AK5: variants seen among roughly 807,000 people sequenced by gnomAD.
AK5 encodes the protein adenylate kinase isoenzyme 5.
AK5 carries 27 observed loss-of-function variants against 69.5 expected under a neutral mutation model. That is an observed-to-expected ratio of 0.39 (90% CI 0.29 to 0.54). The LOEUF is 0.54. Among genes scored for constraint, AK5 ranks in the 20% least tolerant of loss-of-function variants. The pLI, the probability that AK5 is intolerant of heterozygous loss-of-function variation, is 0.71. For missense variants in AK5, 531 were observed against 700.4 expected (o/e 0.76, Z 2.73); for synonymous variants, 260 against 244.4 (o/e 1.06, Z -0.60).
At chr1:77,411,460 T>A (rs1650039662) in intron 7 of AK5, among the ~76,000 whole-genome samples, 1 of 152,152 alleles carries the variant, frequency 6.6e-6, no homozygotes, top group South Asian at 2.1e-4. Flanking sequence ...TCCCCTCCAA[T>A]CTGGTAGCCA....
At chr1:77,510,264 G>A (rs906275054) in intron 10 of AK5, among the ~76,000 whole-genome samples, 9 of 152,206 alleles carry the variant, frequency 5.9e-5, no homozygotes, top group Non-Finnish European at 1.0e-4. Context: ...GGCAAAGAAA[G>A]GAAGAGAACG....
At chr1:77,558,407 T>G (rs1660235590) in intron 13 of AK5, among the ~76,000 whole-genome samples, 195 bp from the exon 14 acceptor site, 1 of 150,914 alleles carries the variant, frequency 6.6e-6, no homozygotes, top group Admixed American at 6.6e-5. Flanking sequence ...AGATGTGTAG[T>G]GGTACTTCAT....
intron 8 of AK5, among the ~76,000 whole-genome samples, chr1:77,446,389 A>G (rs2100648959): frequency 6.6e-6 from 1 of 152,320 alleles, no homozygotes. Context: ...TTTTCCTCTC[A>G]GAATTGCTTT....
rs1173494472 is a variant in AK5 at position 77,367,557 on chromosome 1, TTATA to T, written c.891+27008_891+27011del. 2.4e-4 allele frequency among the ~76,000 whole-genome samples: 14 copies of T among 59,378 alleles called. 1 individual carries two copies. The highest frequency in any genetic ancestry group is 1.2e-3 in the African/African-American group (14 of 11,300). The allele number at this position is 59,378 out of a possible 152,430, so 39.0% of individuals were successfully genotyped here. A position where few individuals can be genotyped will look rare whatever the true frequency, so the allele number is the denominator to read the frequency against. On this transcript the variant is annotated intron_variant, in intron 6 of 13. Coordinates refer to ENST00000354567, the MANE Select transcript of AK5 (RefSeq NM_174858.3). Reference sequence around the variant, plus strand: ...TTGCCCAGACTCATTTATGTTATTTTTATATATATATATATATATATAATATATA... The same window carrying T: ...TTGCCCAGACTCATTTATGTTATTTTTATATATATATATATATAATATATA...
At position 77,290,757 on chromosome 1, in the gene AK5, T is replaced by C. The variant is rs1331892488; in HGVS notation, c.248-3036T>C. On this transcript the variant is annotated intron_variant, in intron 2 of 13. Coordinates refer to ENST00000354567, the MANE Select transcript of AK5 (RefSeq NM_174858.3). ...CCATGAAGTCAGCCAGTAAGTCAGT[T>C]GGGCAATAAATTAACCATTTATTGA... Among the ~76,000 whole-genome samples the C allele has an allele frequency of 2.0e-5, 3 of 152,176 alleles. No individual in the cohort carries two copies. The East Asian group carries it at 5.8e-4, about 29-fold the overall frequency.
intron 8 of AK5, among the ~76,000 whole-genome samples, chr1:77,453,441 T>C (rs182633193): frequency 5.9e-5 from 9 of 152,378 alleles, no homozygotes; most frequent in Admixed American, 2.6e-4. Context: ...ATGCTGATAA[T>C]GTAACTTGGC....
intron 5 of AK5, among the ~76,000 whole-genome samples, chr1:77,331,160 G>A (rs915862870): frequency 1.3e-5 from 2 of 151,888 alleles, no homozygotes; most frequent in Admixed American, 1.3e-4. Context: ...CATATCATAT[G>A]CAAATAATGG....
rs1279880333 is a variant in AK5, at chr1:77,559,315, G to A, written c.*645G>A. The A allele has an allele frequency of 1.3e-5, 2 of 152,076 alleles. No individual in the cohort carries two copies. Among genetic ancestry groups the A allele is most frequent in the Non-Finnish European group, 2.9e-5 (2 of 68,030 alleles). The allele number at this position is 152,076 out of a possible 1,614,324, so 9.4% of individuals were successfully genotyped here. A position where few individuals can be genotyped will look rare whatever the true frequency, so the allele number is the denominator to read the frequency against. On this transcript the variant is annotated 3_prime_UTR_variant, in exon 14 of 14. Transcript: ENST00000354567. ...ATGGTAAAACCCAGGTTAGTCATCA[G>A]TAACCTTCTCTATTATTATTATTTT...
At chr1:77,521,993 T>C (rs1368129664) in intron 12 of AK5, 50 bp downstream of exon 12, 2 of 1,368,224 alleles carry the variant, frequency 1.5e-6, no homozygotes, top group South Asian at 2.7e-5. Context: ...GGGGACATCC[T>C]TGAGGTTGGG....
chr1:77,412,722 GT>G (rs540084702), intron 7 of AK5, among the ~76,000 whole-genome samples: 22 of 152,154 alleles, frequency 1.4e-4, no homozygotes, highest in African/African-American at 5.1e-4. Flanking sequence ...TCCCGCCACT[GT>G]TTTTTTCTCT....
chr1:77,437,263 T>A (rs1363582238), intron 8 of AK5, among the ~76,000 whole-genome samples: 1 of 151,974 alleles, frequency 6.6e-6, no homozygotes, highest in Non-Finnish European at 1.5e-5. Context: ...TTCCCTTTAA[T>A]TAATTAATTA....
chr1:77,525,544 C>T (rs959805483), intron 12 of AK5, among the ~76,000 whole-genome samples: 17 of 152,144 alleles, frequency 1.1e-4, no homozygotes, highest in African/African-American at 2.7e-4. Context: ...AGGCCCCTGA[C>T]GCTTTTCTAT....
At chr1:77,490,609 A>G (rs1006432891) in intron 10 of AK5, among the ~76,000 whole-genome samples, 8 of 152,214 alleles carry the variant, frequency 5.3e-5, no homozygotes, top group Admixed American at 5.2e-4. Flanking sequence ...TCAGTTGTTC[A>G]CATACAAGAT....
chr1:77,338,039 A>T (rs1661460772), intron 5 of AK5, among the ~76,000 whole-genome samples: 1 of 148,678 alleles, frequency 6.7e-6, no homozygotes, highest in Non-Finnish European at 1.5e-5. Flanking sequence ...ATCTCAGCTC[A>T]CTGCAACCTC....
intron 8 of AK5, among the ~76,000 whole-genome samples, chr1:77,438,691 A>G (rs1448292791): frequency 2.0e-5 from 3 of 152,204 alleles, no homozygotes; most frequent in Non-Finnish European, 4.4e-5. Context: ...AGTGCTCACA[A>G]AAATGTTAAG....
chr1:77,519,249 A>C (rs1657843762), intron 11 of AK5, among the ~76,000 whole-genome samples: 1 of 152,140 alleles, frequency 6.6e-6, no homozygotes, highest in Admixed American at 6.6e-5. Context: ...TCCCTGCCAC[A>C]CTGGGTCCCA....
chr1:77,541,177 G>A (rs1659250593), intron 13 of AK5, among the ~76,000 whole-genome samples: 1 of 152,168 alleles, frequency 6.6e-6, no homozygotes, highest in South Asian at 2.1e-4. Flanking sequence ...AAGGTGCTGG[G>A]ATTACAGGCG....
intron 10 of AK5, among the ~76,000 whole-genome samples, chr1:77,514,192 C>T (rs564253680): frequency 7.2e-5 from 11 of 152,136 alleles, no homozygotes; most frequent in Non-Finnish European, 1.3e-4. Context: ...TCATATTCCA[C>T]AATCTCTTTG....
chr1:77,510,818 A>G (rs944990368), intron 10 of AK5, among the ~76,000 whole-genome samples: 1 of 151,988 alleles, frequency 6.6e-6, no homozygotes, highest in African/African-American at 2.4e-5. Flanking sequence ...CCCAGATCCC[A>G]TACTCAGATA....
Sources: allele counts gnomAD v4.1 joint callset (sites outside exome capture counted in the v4.1 genomes callset), GRCh38; gene constraint gnomAD v4.1.1; transcripts MANE v1.5; gene names NCBI Gene and HGNC (gene_info 2026-07-23, HGNC 2026-07-21).